Variants in PARD3 observed in about 807,000 individuals in gnomAD.
PARD3 encodes par-3 family cell polarity regulator, also known as partitioning defective 3 homolog.
Under a neutral mutation model 155.4 loss-of-function variants are expected in PARD3, and 75 were observed. That is an observed-to-expected ratio of 0.48 (90% CI 0.40 to 0.58). The LOEUF is 0.58. Ranked by LOEUF, PARD3 falls within the 20% of genes least tolerant of loss-of-function variation. The pLI is 0.00. For synonymous variants in PARD3, 576 were observed against 610.5 expected (o/e 0.94, Z 0.83); for missense variants, 1,642 against 1,721.7 (o/e 0.95, Z 0.82).
chr10:34,497,693 C>T (rs987266539), intron 3 of PARD3, among the ~76,000 whole-genome samples: 10 of 152,090 alleles, frequency 6.6e-5, no homozygotes, highest in African/African-American at 2.4e-4. Flanking sequence ...TAAATCAAGC[C>T]TCCTAAAATG....
chr10:34,482,841 T>C (rs2079173743), intron 3 of PARD3, among the ~76,000 whole-genome samples: 1 of 151,594 alleles, frequency 6.6e-6, no homozygotes, highest in Admixed American at 6.6e-5. Flanking sequence ...GAGTGAGCTA[T>C]TTTCCTTAAA....
intron 5 of PARD3, among the ~76,000 whole-genome samples, chr10:34,424,285 T>C (rs2075472756): frequency 6.6e-6 from 1 of 152,156 alleles, no homozygotes; most frequent in Non-Finnish European, 1.5e-5. Flanking sequence ...GAGATTTTAG[T>C]AGCAGAATCC....
chr10:34,358,321 A>C (rs887875283), intron 14 of PARD3, among the ~76,000 whole-genome samples: 2 of 152,202 alleles, frequency 1.3e-5, no homozygotes, highest in African/African-American at 4.8e-5. Context: ...CCTACCTTTC[A>C]AGAGAGGATG....
intron 1 of PARD3, among the ~76,000 whole-genome samples, chr10:34,752,251 A>G (rs1165434424): frequency 1.3e-5 from 2 of 151,634 alleles, no homozygotes; most frequent in African/African-American, 4.9e-5. Flanking sequence ...TAAAATAAGT[A>G]TGTGCATTCT....
intron 22 of PARD3, among the ~76,000 whole-genome samples, chr10:34,210,997 G>C (rs1951719100): frequency 6.6e-6 from 1 of 152,164 alleles, no homozygotes; most frequent in Non-Finnish European, 1.5e-5. Flanking sequence ...CTTAGGAGGA[G>C]TGAGGAACTG....
chr10:34,147,158 C>T (rs943481323), intron 22 of PARD3, among the ~76,000 whole-genome samples: 4 of 151,838 alleles, frequency 2.6e-5, no homozygotes, highest in South Asian at 4.2e-4. Flanking sequence ...AAAAAAAGGA[C>T]GAAATTGAGT....
intron 5 of PARD3, among the ~76,000 whole-genome samples, chr10:34,447,957 C>T (rs2076841774): frequency 6.6e-6 from 1 of 151,996 alleles, no homozygotes. Flanking sequence ...ATAGAACTAC[C>T]ATATGATCCA....
chr10:34,783,667 G>A (rs1840562271), intron 1 of PARD3, among the ~76,000 whole-genome samples: 1 of 140,426 alleles, frequency 7.1e-6, no homozygotes, highest in Non-Finnish European at 1.5e-5. Context: ...ATAAAAACAA[G>A]TGATTATACA....
chr10:34,791,417 G>A lies in PARD3; in HGVS notation c.120+23459C>T, dbSNP rs191191123. Reference sequence around the variant, plus strand: ...TCATCACCAAGCCCGGGACCAGGCCGGGGCCTCCTCCCCAGGAAGCCGGCT... The same window carrying A: ...TCATCACCAAGCCCGGGACCAGGCCAGGGCCTCCTCCCCAGGAAGCCGGCT... On this transcript the variant is annotated intron_variant, in intron 1 of 24. Transcript: ENST00000374788. 3.1e-3 allele frequency among the ~76,000 whole-genome samples: 479 copies of A among 152,308 alleles called. 3 individuals carry two copies. The highest frequency in any genetic ancestry group is 0.011 in the African/African-American group (446 of 41,576).
At chr10:34,413,136 G>T (rs1845262379) in intron 5 of PARD3, among the ~76,000 whole-genome samples, 1 of 100,722 alleles carries the variant, frequency 9.9e-6, no homozygotes, top group Non-Finnish European at 1.7e-5. Flanking sequence ...CAGTACTTCA[G>T]ATATATATAC....
intron 22 of PARD3, among the ~76,000 whole-genome samples, chr10:34,201,123 C>T (rs1951190037): frequency 6.6e-6 from 1 of 152,156 alleles, no homozygotes; most frequent in Non-Finnish European, 1.5e-5. Flanking sequence ...GTTCCAATCC[C>T]ATCTCTATCA....
intron 20 of PARD3, among the ~76,000 whole-genome samples, chr10:34,292,474 T>C (rs563831631): frequency 1.2e-4 from 19 of 152,276 alleles, no homozygotes; most frequent in Middle Eastern, 3.4e-3. Context: ...AAAAGCATCT[T>C]GGTAATCAAC....
intron 3 of PARD3, among the ~76,000 whole-genome samples, chr10:34,510,368 A>T (rs1412825935): frequency 6.6e-6 from 1 of 152,174 alleles, no homozygotes. Context: ...CCCTAACTAC[A>T]GCAAGCTCTG....
chr10:34,490,240 G>C (rs1182990406), intron 3 of PARD3, among the ~76,000 whole-genome samples: 2 of 152,120 alleles, frequency 1.3e-5, no homozygotes, highest in Non-Finnish European at 2.9e-5. Context: ...TCTTCACAGG[G>C]AAAAAGAAAG....
rs115037639 is a variant in PARD3 at position 34,710,613 on chromosome 10, T to A, written c.121-14194A>T. Among the ~76,000 whole-genome samples the A allele has an allele frequency of 9.8e-3, 1,499 of 152,260 alleles. 24 individuals are homozygous for A. Among genetic ancestry groups the A allele is most frequent in the African/African-American group, 0.034 (1,430 of 41,546 alleles). ...ACTTTCTAAAAGTCAAAATCCAGTGTTCTTGGCCAAGCACTCAAAGCTCAT... is the reference window on the plus strand; with the variant it reads ...ACTTTCTAAAAGTCAAAATCCAGTGATCTTGGCCAAGCACTCAAAGCTCAT... On this transcript the variant is annotated intron_variant, in intron 1 of 24. Transcript: ENST00000374788.
At chr10:34,482,978 G>A (rs1353539242) in intron 3 of PARD3, among the ~76,000 whole-genome samples, 3 of 150,152 alleles carry the variant, frequency 2.0e-5, no homozygotes, top group African/African-American at 7.5e-5. Context: ...GAGAAACCCT[G>A]TCTCTACTAA....
intron 2 of PARD3, among the ~76,000 whole-genome samples, chr10:34,531,536 C>T (rs779789902): frequency 7.9e-5 from 12 of 152,206 alleles, no homozygotes; most frequent in African/African-American, 1.2e-4. Context: ...ACATAAAAGC[C>T]GCATTTTCAA....
In PARD3 at chr10:34,358,281, T is replaced by C. The variant is rs570456245; in HGVS notation, c.2067+866A>G. Among the ~76,000 whole-genome samples, 13 of 152,304 alleles carry C rather than the reference T, an allele frequency of 8.5e-5. No individual in the cohort carries two copies. The East Asian group carries it at 2.5e-3, about 29-fold the overall frequency. ...AAATGTCCTATTATACAACAAAGTATGTTTTTCCATATTTGGGAAAATAGA... is the reference window on the plus strand; with the variant it reads ...AAATGTCCTATTATACAACAAAGTACGTTTTTCCATATTTGGGAAAATAGA... On this transcript the variant is annotated intron_variant, in intron 14 of 24. Transcript: ENST00000374788.
intron 3 of PARD3, among the ~76,000 whole-genome samples, chr10:34,504,566 G>T (rs968513240): frequency 6.6e-6 from 1 of 152,056 alleles, no homozygotes; most frequent in African/African-American, 2.4e-5. Flanking sequence ...TTAATAAACT[G>T]ATTTAGACTT....
Sources: allele counts gnomAD v4.1 joint callset (sites outside exome capture counted in the v4.1 genomes callset), GRCh38; gene constraint gnomAD v4.1.1; transcripts MANE v1.5; gene names NCBI Gene and HGNC (gene_info 2026-07-23, HGNC 2026-07-21).